RIN3: variants seen among roughly 807,000 people sequenced by gnomAD.
The protein encoded by RIN3 is RAB5 interacting protein 3.
In RIN3, 54 loss-of-function variants were observed where a neutral mutation model predicts 76.3. The observed-to-expected ratio is 0.71, with a 90% CI of 0.57 to 0.89. The LOEUF (loss-of-function observed/expected upper bound fraction) is 0.89, where lower values mean the gene tolerates loss of function less well. RIN3 is among the 40% of genes least tolerant of loss of function. RIN3 has a pLI of 0.00. For synonymous variants in RIN3, 576 were observed against 564.0 expected (o/e 1.02, Z -0.30); for missense variants, 1,256 against 1,322.1 (o/e 0.95, Z 0.78).
At chr14:92,593,365 AAG>A (rs1455156736) in intron 3 of RIN3, among the ~76,000 whole-genome samples, 1 of 152,206 alleles carries the variant, frequency 6.6e-6, no homozygotes, top group East Asian at 1.9e-4. Context: ...CACTAATTAA[AAG>A]AGAGAGGTTG....
intron 1 of RIN3, among the ~76,000 whole-genome samples, chr14:92,540,363 T>C (rs546403377): frequency 8.7e-4 from 133 of 152,338 alleles, no homozygotes; most frequent in African/African-American, 2.7e-3. Flanking sequence ...GGAAGGTCTT[T>C]TGGTTTCCCA....
chr14:92,528,729 T>C (rs924597155), intron 1 of RIN3, among the ~76,000 whole-genome samples: 1 of 152,024 alleles, frequency 6.6e-6, no homozygotes, highest in Non-Finnish European at 1.5e-5. Context: ...CCGGGTGGAG[T>C]GTGAGCAGTG....
chr14:92,581,243 G>A (rs1898426446), intron 3 of RIN3, among the ~76,000 whole-genome samples: 1 of 152,128 alleles, frequency 6.6e-6, no homozygotes, highest in Non-Finnish European at 1.5e-5. Context: ...TGGTCTCCTG[G>A]GAGATAGAGA....
Position 92,534,971 on chromosome 14 carries a change from A to G in RIN3, c.45-20780A>G, listed in dbSNP as rs961494421. On this transcript the variant is annotated intron_variant, in intron 1 of 9. Coordinates refer to ENST00000216487, the MANE Select transcript of RIN3 (RefSeq NM_024832.5). ...TCACTTCATCTCAGGATGAATTGCC[A>G]CAGTTGTTTCAGTTTCCACTCACAC... Among the ~76,000 whole-genome samples the G allele has an allele frequency of 2.6e-5, 4 of 152,200 alleles. No homozygotes were observed. The East Asian group carries it at 7.7e-4, about 29-fold the overall frequency.
chr14:92,541,566 T>C (rs1897133055), intron 1 of RIN3, among the ~76,000 whole-genome samples: 2 of 152,226 alleles, frequency 1.3e-5, no homozygotes, highest in Non-Finnish European at 2.9e-5. Context: ...AAGAATCATC[T>C]TTCAACAAAT....
chr14:92,560,196 G>C (rs755490366), intron 2 of RIN3, among the ~76,000 whole-genome samples: 1 of 152,190 alleles, frequency 6.6e-6, no homozygotes, highest in East Asian at 1.9e-4. Flanking sequence ...CCGAGGCCCA[G>C]AGAACTCTGC....
At chr14:92,573,140 C>G (rs1156270281) in intron 2 of RIN3, among the ~76,000 whole-genome samples, 1 of 152,068 alleles carries the variant, frequency 6.6e-6, no homozygotes, top group Non-Finnish European at 1.5e-5. Flanking sequence ...CCTCAGCCTC[C>G]CAAAGTGCTG....
At chr14:92,561,502 T>A (rs1377042836) in intron 2 of RIN3, among the ~76,000 whole-genome samples, 1 of 152,128 alleles carries the variant, frequency 6.6e-6, no homozygotes, top group Non-Finnish European at 1.5e-5. Context: ...GATTTTTTTT[T>A]TTATTTTAGA....
intron 4 of RIN3, among the ~76,000 whole-genome samples, chr14:92,636,386 C>A (rs1421376305): frequency 1.3e-5 from 2 of 152,088 alleles, no homozygotes; most frequent in African/African-American, 4.8e-5. Context: ...GAGTTTAAGA[C>A]CAGCCTGGTC....
At chr14:92,673,678 G>T (rs572940804) in intron 7 of RIN3, among the ~76,000 whole-genome samples, 14 of 152,268 alleles carry the variant, frequency 9.2e-5, no homozygotes, top group African/African-American at 3.4e-4. Context: ...GCTAATTTTT[G>T]TATTTTTAGC....
chr14:92,566,287 G>C (rs1183806480), intron 2 of RIN3, among the ~76,000 whole-genome samples: 1 of 152,148 alleles, frequency 6.6e-6, no homozygotes, highest in Non-Finnish European at 1.5e-5. Flanking sequence ...ATCTTCAAGT[G>C]GTTGGCTTTT....
intron 1 of RIN3, among the ~76,000 whole-genome samples, chr14:92,528,711 A>G (rs553727614): frequency 3.9e-4 from 60 of 152,320 alleles, no homozygotes; most frequent in African/African-American, 1.4e-3. Flanking sequence ...ACAGGGCTGC[A>G]CTGTGTCCCG....
At chr14:92,608,482 T>C (rs544942930) in intron 3 of RIN3, among the ~76,000 whole-genome samples, 1 of 152,356 alleles carries the variant, frequency 6.6e-6, no homozygotes, top group East Asian at 1.9e-4. Flanking sequence ...GTCTCTGCTC[T>C]TGACAGTTCG....
In RIN3 at chr14:92,608,491, C is replaced by T. The variant is rs192386455; in HGVS notation, c.368-6916C>T. Among the ~76,000 whole-genome samples, 48 of 152,148 alleles carry T rather than the reference C, an allele frequency of 3.2e-4. 1 individual carries two copies. The highest frequency in any genetic ancestry group is 1.0e-3 in the African/African-American group (42 of 41,518). ...CACACAGTCTCTGCTCTTGACAGTT[C>T]GTTTGCATTGCTGAATGATAAAACT... On this transcript the variant is annotated intron_variant, in intron 3 of 9. Transcript: ENST00000216487.
At position 92,656,882 on chromosome 14, in the gene RIN3, G is replaced by GA. The variant is rs1887690096; in HGVS notation, c.2027-2277dup. On this transcript the variant is annotated intron_variant, in intron 6 of 9. Coordinates refer to ENST00000216487, the MANE Select transcript of RIN3 (RefSeq NM_024832.5). This position sits in a 1 kb window ranked among gnomAD's most constrained non-coding sequence, Gnocchi z 5.2. ...TGGGCTTGGCTATTGTCATGCCCAAGAAGCCACAGCTCAGAGAGGTTTGGT... is the reference window on the plus strand; with the variant it reads ...TGGGCTTGGCTATTGTCATGCCCAAGAAAGCCACAGCTCAGAGAGGTTTGGT... Among the ~76,000 whole-genome samples the GA allele has an allele frequency of 6.6e-6, 1 of 152,222 alleles. No homozygotes were observed. The highest frequency in any genetic ancestry group is 1.5e-5 in the Non-Finnish European group (1 of 68,032).
At chr14:92,682,373 C>T (rs556820158) in intron 8 of RIN3, among the ~76,000 whole-genome samples, 93 of 152,306 alleles carry the variant, frequency 6.1e-4, no homozygotes, top group Non-Finnish European at 1.3e-4. Flanking sequence ...TTGGGCTGCA[C>T]GTAACTCACA....
chr14:92,569,426 C>A (rs1898001921), intron 2 of RIN3, among the ~76,000 whole-genome samples: 1 of 152,166 alleles, frequency 6.6e-6, no homozygotes, highest in Non-Finnish European at 1.5e-5. Flanking sequence ...TTGCCACCCC[C>A]ATTTATGGAC....
chr14:92,633,880 T>A (rs1282448391), intron 4 of RIN3, among the ~76,000 whole-genome samples: 1 of 149,882 alleles, frequency 6.7e-6, no homozygotes, highest in East Asian at 2.0e-4. Flanking sequence ...TGTGTGTGTG[T>A]TTGTATGTGT....
rs375750488 is a variant in RIN3 at position 92,651,598 on chromosome 14, G to A, written c.549G>A (p.Ser183=). The change falls in exon 6 of 10, where the codon TCG becomes TCA. Residue 183 remains serine (S), a synonymous_variant. Transcript: ENST00000216487. ...CTTCCACAGGTTTCTGGGACTCCTC[G>A]CTGAATCCTCCACAAGAAAGAGGGA... The part of the protein sequence containing the change: ...ANLGLGFWDS[S]LNPPQERGKP... The A allele has an allele frequency of 1.6e-5, 25 of 1,581,916 alleles. No individual in the cohort carries two copies. The highest frequency in any genetic ancestry group is 2.8e-5 in the African/African-American group (2 of 72,558).
Sources: gnomAD v4.1 joint callset for allele counts (sites outside exome capture counted in the v4.1 genomes callset) on GRCh38, gnomAD v4.1.1 for gene constraint, Gnocchi (gnomAD v3.1) non-coding constraint, MANE v1.5 for transcripts, NCBI Gene and HGNC (gene_info 2026-07-23, HGNC 2026-07-21) for gene names.